The following DHRS12 variants were observed in gnomAD, a reference collection of about 807,000 sequenced individuals.
DHRS12 encodes the protein dehydrogenase/reductase 12.
A neutral mutation model predicts 32.1 loss-of-function variants in DHRS12; 29 were observed. The observed-to-expected ratio is 0.90, with a 90% CI of 0.67 to 1.23. DHRS12 has a LOEUF of 1.23. Ranked by LOEUF, DHRS12 falls within the 50% of genes most tolerant of loss-of-function variation. The probability of loss-of-function intolerance (pLI) is 0.00; values close to 1 mark genes in which losing one functional copy is unlikely to be tolerated. For missense variants in DHRS12, 330 were observed against 337.2 expected (o/e 0.98, Z 0.17); for synonymous variants, 150 against 135.9 (o/e 1.10, Z -0.72).
downstream of DHRS12, chr13:51,767,748 A>C (rs1242745527): frequency 2.4e-4 from 34 of 144,024 alleles, no homozygotes. Context: ...GGGACCATGC[A>C]CAGTAAAGGC....
At chr13:51,768,876 G>C in intron 8 of DHRS12, 1 of 1,375,192 alleles carries the variant, frequency 7.3e-7, no homozygotes, top group Non-Finnish European at 9.4e-7. Flanking sequence ...GCAAACTGCA[G>C]AGAAAATCTT....
intron 2 of DHRS12, chr13:51,797,683 T>A: frequency 3.7e-6 from 3 of 801,936 alleles, no homozygotes; most frequent in Non-Finnish European, 5.8e-6. Flanking sequence ...AGGGCCCAGC[T>A]CCCTGCTGGC....
intron 4 of DHRS12, among the ~76,000 whole-genome samples, chr13:51,778,025 C>T (rs1000090524): frequency 6.6e-6 from 1 of 152,246 alleles, no homozygotes; most frequent in Non-Finnish European, 1.5e-5. Flanking sequence ...GACCAGCTCT[C>T]ACCACAGCTT....
rs1566310546 is a variant in DHRS12, at chr13:51,799,599, ACTC to A, written c.58_60del (p.Glu20del). On this transcript the variant is annotated inframe_deletion, in exon 2 of 9. Coordinates refer to ENST00000444610, the MANE Select transcript of DHRS12 (RefSeq NM_001377533.1). The stretch of plus-strand genomic sequence containing the variant: ...GCTGTTTCCTCCAGTGACCAAAAAG[ACTC>A]TTCCAGGAATCTGGACCTCCAAGTC... 1.1e-5 allele frequency: 17 copies of A among 1,613,798 alleles called. No individual in the cohort carries two copies. The highest frequency in any genetic ancestry group is 1.4e-5 in the Non-Finnish European group (17 of 1,179,962).
rs756370683 is a variant in DHRS12 at position 51,791,283 on chromosome 13, A to C, written c.127-26T>G. On this transcript the variant is annotated intron_variant, in intron 2 of 8. Transcript: ENST00000444610. ...CTAAATTAGAAAGCAAAAAAAAAAA[A>C]AACCCTTTTTAAAAAGATATAAACT... 2.9e-4 allele frequency: 398 copies of C among 1,376,902 alleles called. 2 individuals are homozygous for C. Among genetic ancestry groups the C allele is most frequent in the Middle Eastern group, 2.3e-4 (1 of 4,284 alleles). 85.3% of individuals were successfully genotyped at this position (1,376,902 alleles called of 1,614,324 possible).
At chr13:51,756,656 T>A in the DHRS12 span, 1 of 984,914 alleles carries the variant, frequency 1.0e-6, no homozygotes, top group East Asian at 1.1e-4. Flanking sequence ...GAAGAGAAAA[T>A]ACACTCAAAG....
intron 2 of DHRS12, among the ~76,000 whole-genome samples, chr13:51,795,878 C>G (rs1007804041): frequency 6.6e-6 from 1 of 152,130 alleles, no homozygotes; most frequent in Non-Finnish European, 1.5e-5. Context: ...ATTTGTCCCC[C>G]AACCCACCCC....
intron 6 of DHRS12, chr13:51,772,650 A>T: frequency 1.0e-6 from 1 of 985,466 alleles, no homozygotes; most frequent in Non-Finnish European, 1.2e-6. Context: ...CACAGAGAAT[A>T]CATCAGTTAT....
rs147848177 is a variant in DHRS12 at position 51,784,174 on chromosome 13, G to A, written c.301+5837C>T. On this transcript the variant is annotated intron_variant, in intron 4 of 8. Transcript: ENST00000444610. ...GCCAGTGTGACTGAGCGCCTCCTGA[G>A]AGCCAGGTGGATTCTGCCCTCAAGG... Among the ~76,000 whole-genome samples, 321 of 152,316 alleles carry A rather than the reference G, an allele frequency of 2.1e-3. 2 individuals are homozygous for A. Among genetic ancestry groups the A allele is most frequent in the African/African-American group, 7.1e-3 (294 of 41,568 alleles).
chr13:51,764,674 A>G (rs138531990), downstream of DHRS12: 5 of 152,352 alleles, frequency 3.3e-5, no homozygotes, highest in East Asian at 9.6e-4. Flanking sequence ...ATTAGTTTAT[A>G]TTATAATAGT....
rs1341359727 is a variant in DHRS12 at position 51,782,835 on chromosome 13, T to C, written c.302-5714A>G. 6.6e-6 allele frequency among the ~76,000 whole-genome samples: 1 copy of C among 152,202 alleles called. No homozygotes were observed. Among genetic ancestry groups the C allele is most frequent in the East Asian group, 1.9e-4 (1 of 5,200 alleles). On this transcript the variant is annotated intron_variant, in intron 4 of 8. Transcript: ENST00000444610. This position sits in a 1 kb window ranked among gnomAD's most constrained non-coding sequence, Gnocchi z 4.2. ...GATTGTGTTTCTAAAACTCCTCAAA[T>C]GAATGTTTGTTACCAGCACACCTTT...
At chr13:51,792,090 T>C (rs997535772) in intron 2 of DHRS12, among the ~76,000 whole-genome samples, 3 of 152,328 alleles carry the variant, frequency 2.0e-5, no homozygotes, top group East Asian at 1.9e-4. Context: ...AGGATCCTGA[T>C]TTCAATTCCC....
At chr13:51,800,600 A>G (rs1435543410) in intron 1 of DHRS12, among the ~76,000 whole-genome samples, 2 of 152,240 alleles carry the variant, frequency 1.3e-5, no homozygotes, top group Admixed American at 6.5e-5. Flanking sequence ...AAGGCTCCAC[A>G]GATGCTGAGA....
the DHRS12 span, among the ~76,000 whole-genome samples, chr13:51,755,846 A>T: frequency 6.6e-6 from 1 of 152,174 alleles, no homozygotes; most frequent in East Asian, 1.9e-4. Flanking sequence ...TCTACTTATA[A>T]TACAGCATTT....
intron 1 of DHRS12, among the ~76,000 whole-genome samples, chr13:51,800,498 C>T (rs1052688070): frequency 6.6e-6 from 1 of 152,220 alleles, no homozygotes; most frequent in African/African-American, 2.4e-5. Flanking sequence ...ACTCTGCCCA[C>T]GCACAGGCAG....
At chr13:51,755,714 C>T in the DHRS12 span, among the ~76,000 whole-genome samples, 2 of 152,206 alleles carry the variant, frequency 1.3e-5, no homozygotes, top group Non-Finnish European at 2.9e-5. Context: ...TATTGCAGTG[C>T]ACCTTACAAT....
At chr13:51,771,006 C>A in intron 7 of DHRS12, 1 of 1,392,402 alleles carries the variant, frequency 7.2e-7, no homozygotes, top group Non-Finnish European at 9.3e-7. Context: ...TCAGAAAGGC[C>A]ATGCCAGCAG....
intron 8 of DHRS12, 55 bp from the exon 9 acceptor site, chr13:51,768,351 C>A (rs1175773696): frequency 6.5e-7 from 1 of 1,533,376 alleles, no homozygotes; most frequent in Non-Finnish European, 8.7e-7. Context: ...GTGGCTGGGT[C>A]CATGTCCCTG....
At chr13:51,768,506 G>C (rs1042145782) in intron 8 of DHRS12, 28 of 1,416,320 alleles carry the variant, frequency 2.0e-5, no homozygotes, top group Non-Finnish European at 2.3e-5. Flanking sequence ...GGAGGCTGCA[G>C]CCAGGGCTGG....
Sources: allele counts gnomAD v4.1 joint callset (sites outside exome capture counted in the v4.1 genomes callset), GRCh38; gene constraint gnomAD v4.1.1; non-coding constraint Gnocchi (gnomAD v3.1); transcripts MANE v1.5; gene names NCBI Gene and HGNC (gene_info 2026-07-23, HGNC 2026-07-21).